The following CAPZB variants were observed in gnomAD, a reference collection of about 807,000 sequenced individuals.
The protein encoded by CAPZB is capping actin protein of muscle Z-line subunit beta.
Under a neutral mutation model 38.1 loss-of-function variants are expected in CAPZB, and 2 were observed. That is an observed-to-expected ratio of 0.05 (90% CI 0.02 to 0.17). CAPZB has a LOEUF of 0.17. Among genes scored for constraint, CAPZB ranks in the 10% least tolerant of loss-of-function variants. The probability of loss-of-function intolerance (pLI) is 1.00; values close to 1 mark genes in which losing one functional copy is unlikely to be tolerated. For synonymous variants in CAPZB, 107 were observed against 127.4 expected (o/e 0.84, Z 1.08); for missense variants, 161 against 334.2 (o/e 0.48, Z 4.04).
intron 3 of CAPZB, among the ~76,000 whole-genome samples, chr1:19,383,277 C>T (rs2094185476): frequency 6.6e-6 from 1 of 152,022 alleles, no homozygotes; most frequent in Non-Finnish European, 1.5e-5. Flanking sequence ...GAAACCCTGT[C>T]TGCACTGAAA....
chr1:19,395,187 C>T (rs758088820), intron 2 of CAPZB, among the ~76,000 whole-genome samples: 1 of 152,202 alleles, frequency 6.6e-6, no homozygotes, highest in Non-Finnish European at 1.5e-5. Flanking sequence ...TCATATGAGG[C>T]ACATGACTCA....
chr1:19,378,508 G>T, intron 4 of CAPZB, 32 bp downstream of exon 4: 1 of 1,223,532 alleles, frequency 8.2e-7, no homozygotes, highest in Non-Finnish European at 1.2e-6. Flanking sequence ...AAACTCACAA[G>T]CGCTAAAGTG....
At chr1:19,477,202 T>G (rs149633200) in intron 1 of CAPZB, among the ~76,000 whole-genome samples, 43 of 152,322 alleles carry the variant, frequency 2.8e-4, no homozygotes, top group African/African-American at 9.9e-4. Flanking sequence ...TGGCATCCCC[T>G]GATGCCTGTG....
chr1:19,342,881 A>C (rs745450144), intron 8 of CAPZB: 5 of 1,434,708 alleles, frequency 3.5e-6, no homozygotes, highest in Non-Finnish European at 4.9e-6. Flanking sequence ...AGAGTGTTCA[A>C]GATGAGTGGA....
At chr1:19,476,940 G>A (rs903852668) in intron 1 of CAPZB, among the ~76,000 whole-genome samples, 46 of 152,332 alleles carry the variant, frequency 3.0e-4, no homozygotes, top group African/African-American at 1.1e-3. Flanking sequence ...ATCAGCATGC[G>A]CTGAGTGCGG....
intron 1 of CAPZB, among the ~76,000 whole-genome samples, chr1:19,482,279 G>A (rs1237040970): frequency 6.6e-6 from 1 of 152,236 alleles, no homozygotes; most frequent in Non-Finnish European, 1.5e-5. Flanking sequence ...GGCCAGGTGG[G>A]CTTAAATGAA....
intron 1 of CAPZB, chr1:19,484,439 A>G (rs1439720831): frequency 2.7e-6 from 4 of 1,504,882 alleles, no homozygotes; most frequent in Non-Finnish European, 3.5e-6. Context: ...TGCCCTGCAG[A>G]ATGCTTCGCA....
chr1:19,484,342 G>A, intron 1 of CAPZB: 3 of 1,570,498 alleles, frequency 1.9e-6, no homozygotes, highest in Non-Finnish European at 2.6e-6. Flanking sequence ...GCCTCACAAG[G>A]GCGATTGTGC....
chr1:19,459,822 G>A (rs764013304), intron 1 of CAPZB, among the ~76,000 whole-genome samples: 5 of 152,150 alleles, frequency 3.3e-5, no homozygotes, highest in Non-Finnish European at 7.3e-5. Context: ...ACATCCTGCT[G>A]TACCGCCCCA....
intron 1 of CAPZB, among the ~76,000 whole-genome samples, chr1:19,455,177 G>C (rs1264397678): frequency 1.3e-5 from 2 of 152,204 alleles, no homozygotes; most frequent in South Asian, 2.1e-4. Context: ...GAGCAGGCAA[G>C]GGTTCCTGGG....
At chr1:19,447,737 G>A (rs1292762336) in intron 1 of CAPZB, among the ~76,000 whole-genome samples, 6 of 152,180 alleles carry the variant, frequency 3.9e-5, no homozygotes, top group African/African-American at 9.7e-5. Context: ...AGGAGGGCAC[G>A]GCTCACTGAC....
intron 1 of CAPZB, chr1:19,484,196 C>T: frequency 2.5e-6 from 4 of 1,612,060 alleles, no homozygotes; most frequent in East Asian, 4.5e-5. Context: ...TCACCTGATC[C>T]GAGGGACTTC....
chr1:19,380,419 C>T (rs781221838), intron 3 of CAPZB, among the ~76,000 whole-genome samples: 1 of 152,244 alleles, frequency 6.6e-6, no homozygotes, highest in Non-Finnish European at 1.5e-5. Flanking sequence ...CATGGTCACA[C>T]TGGGCCATCG....
intron 2 of CAPZB, among the ~76,000 whole-genome samples, chr1:19,395,048 G>A (rs766282173): frequency 6.6e-6 from 1 of 152,094 alleles, no homozygotes; most frequent in Non-Finnish European, 1.5e-5. Context: ...GGTGTGTTCT[G>A]AGCACATTTA....
At chr1:19,475,952 T>C (rs1288938371) in intron 1 of CAPZB, among the ~76,000 whole-genome samples, 4 of 152,092 alleles carry the variant, frequency 2.6e-5, no homozygotes, top group Non-Finnish European at 5.9e-5. Context: ...TCTTCCCTCC[T>C]AAGGATAAGA....
At chr1:19,388,796 T>G (rs1438127214) in intron 2 of CAPZB, among the ~76,000 whole-genome samples, 1 of 152,214 alleles carries the variant, frequency 6.6e-6, no homozygotes, top group East Asian at 1.9e-4. Flanking sequence ...ACACAGTAGA[T>G]GAGCTGCACG....
At chr1:19,441,155 G>A (rs773333126) in intron 1 of CAPZB, among the ~76,000 whole-genome samples, 3 of 152,300 alleles carry the variant, frequency 2.0e-5, no homozygotes, top group Middle Eastern at 3.4e-3. Flanking sequence ...TCATATAAAC[G>A]TAAGCAAGGC....
intron 1 of CAPZB, among the ~76,000 whole-genome samples, chr1:19,468,965 T>A (rs1369880996): frequency 6.6e-6 from 1 of 152,208 alleles, no homozygotes; most frequent in Non-Finnish European, 1.5e-5. Context: ...ACAGCAATTA[T>A]CTTCCATTCT....
chr1:19,368,555 G>A (rs534098812), intron 4 of CAPZB, among the ~76,000 whole-genome samples: 1 of 150,890 alleles, frequency 6.6e-6, no homozygotes, highest in Non-Finnish European at 1.5e-5. Flanking sequence ...CCCGCTGGGT[G>A]ACCAGGAATC....
Sources: allele counts gnomAD v4.1 joint callset (sites outside exome capture counted in the v4.1 genomes callset), GRCh38; gene constraint gnomAD v4.1.1; transcripts MANE v1.5; gene names NCBI Gene and HGNC (gene_info 2026-07-23, HGNC 2026-07-21).